Variants in SEPTIN12 observed in about 807,000 individuals in gnomAD.
SEPTIN12 encodes the protein septin-12.
SEPTIN12 carries 42 observed loss-of-function variants against 37.7 expected under a neutral mutation model. That is an observed-to-expected ratio of 1.11 (90% CI 0.87 to 1.44). The LOEUF (loss-of-function observed/expected upper bound fraction) is 1.44. Ranked by LOEUF, SEPTIN12 falls within the 40% of genes most tolerant of loss-of-function variation. SEPTIN12 has a pLI of 0.00. For synonymous variants in SEPTIN12, 254 were observed against 196.7 expected, an observed-to-expected ratio of 1.29 and a Z score of -2.44; for missense variants, 613 against 479.2, an observed-to-expected ratio of 1.28 and a Z score of -2.61.
At position 4,777,881 on chromosome 16, in the gene SEPTIN12, G is replaced by C; in HGVS notation, c.993C>G (p.Ala331=). ...LPRGPGWVNL[A]PASPGQLTTP... ...TGGTCAGCTGTCCTGGGGAGGCCGG[G>C]GCCAGGTTCACCCAGCCGGGCCCGC... is the stretch of plus-strand genomic sequence containing the variant. Residue 331 remains alanine, a synonymous_variant, in exon 10 of 10, where the codon GCC becomes GCG. Coordinates refer to ENST00000268231, the MANE Select transcript of SEPTIN12 (RefSeq NM_144605.5). 2 of 1,598,430 alleles carry C rather than the reference G, an allele frequency of 1.3e-6. No homozygotes were observed. Among genetic ancestry groups the C allele is most frequent in the Non-Finnish European group, 1.7e-6 (2 of 1,173,236 alleles).
Position 4,778,754 on chromosome 16 carries a change from C to T in SEPTIN12, c.824-617G>A, listed in dbSNP as rs569192320. Among the ~76,000 whole-genome samples, 27 of 151,796 alleles carry T rather than the reference C, an allele frequency of 1.8e-4. No individual in the cohort carries two copies. In the East Asian group the frequency reaches 4.1e-3, roughly 23 times the overall value. On this transcript the variant is annotated intron_variant, in intron 8 of 9. Coordinates refer to ENST00000268231, the MANE Select transcript of SEPTIN12 (RefSeq NM_144605.5). ...GGCGGAAGTTGCAGTGAGCCAAGATCGCTCCACTGCACTCCAGCCTGAGTG... is the reference window on the plus strand; with the variant it reads ...GGCGGAAGTTGCAGTGAGCCAAGATTGCTCCACTGCACTCCAGCCTGAGTG...
At chr16:4,780,475 T>A (rs1329151166) in intron 7 of SEPTIN12, among the ~76,000 whole-genome samples, 1 of 152,120 alleles carries the variant, frequency 6.6e-6, no homozygotes, top group Non-Finnish European at 1.5e-5. Context: ...AACCATGACA[T>A]CAGAGTTGAA....
chr16:4,784,568 G>C (rs550350570), intron 4 of SEPTIN12, among the ~76,000 whole-genome samples: 1 of 152,012 alleles, frequency 6.6e-6, no homozygotes, highest in African/African-American at 2.4e-5. Flanking sequence ...CCAGGAATTC[G>C]AGGCTAGCCT....
chr16:4,783,680 G>A lies in SEPTIN12; in HGVS notation c.599C>T (p.Thr200Ile), dbSNP rs750754740. The change falls in exon 6 of 10, where the codon ACC becomes ATC. Residue 200 changes from threonine (T) to isoleucine (I), a missense_variant. Physicochemically the swap from Thr to Ile is moderately conservative, Grantham distance 89. Transcript: ENST00000268231. ...VPVIARADSL[T>I]MEEREAFRRR... ...CCTGAAGGCCTCTCGCTCCTCCATG[G>A]TCAGGCTGTCGGCCCTGGCAATCAC... The A allele has an allele frequency of 5.0e-6, 8 of 1,613,948 alleles. No homozygotes were observed. In the African/African-American group the frequency reaches 1.1e-4, roughly 22 times the overall value.
chr16:4,779,822 A>G, intron 7 of SEPTIN12, 36 bp from the exon 8 acceptor site: 1 of 1,423,494 alleles, frequency 7.0e-7, no homozygotes, highest in Non-Finnish European at 9.9e-7. Context: ...GGGAGGATTG[A>G]CTTCGCTGGG....
chr16:4,782,574 G>A lies in SEPTIN12; in HGVS notation c.726+888C>T, dbSNP rs147765771. Among the ~76,000 whole-genome samples the A allele has an allele frequency of 9.2e-5, 14 of 152,186 alleles. No individual in the cohort carries two copies. The East Asian group carries it at 2.7e-3, about 29-fold the overall frequency. On this transcript the variant is annotated intron_variant, in intron 7 of 9. Transcript: ENST00000268231. ...CCATTTTACTTTCCCTCCAGCAGTA[G>A]GTGAGGGTTTCAGTTCCTCCACATC...
rs952762962 is a variant in SEPTIN12, at chr16:4,787,591, G to T, written c.55C>A (p.Pro19Thr). 1.9e-6 allele frequency: 3 copies of T among 1,606,656 alleles called. No homozygotes were observed. Among genetic ancestry groups the T allele is most frequent in the Non-Finnish European group, 2.5e-6 (3 of 1,179,610 alleles). Residue 19 changes from proline to threonine, a missense_variant, in exon 2 of 10, where the codon CCC becomes ACC. Coordinates refer to ENST00000268231, the MANE Select transcript of SEPTIN12 (RefSeq NM_144605.5). ...SPCLSSQPSSPSTPPCEMLGP... is the reference protein window; with the variant it reads ...SPCLSSQPSSTSTPPCEMLGP... ...AGCATCTCGCAGGGTGGGGTGCTGG[G>T]GCTGGAGGGCTGCGAGGACAGGCAG...
chr16:4,778,953 A>G (rs558166759), intron 8 of SEPTIN12, among the ~76,000 whole-genome samples: 2 of 151,948 alleles, frequency 1.3e-5, no homozygotes, highest in South Asian at 4.2e-4. Context: ...GCCTGGCAAC[A>G]TAGTGAAACC....
chr16:4,783,727 G>C lies in SEPTIN12; in HGVS notation c.552C>G (p.Cys184Trp). ...TCACGGGCACCACATTCACAGTCCG[G>C]CACAGCCGCTGCAGGAACTCAATGT... ...PLDIEFLQRL[C>W]RTVNVVPVIA... is the part of the protein sequence containing the mutation. The change falls in exon 6 of 10, where the codon TGC (cysteine) becomes TGG (tryptophan). Residue 184 changes from cysteine to tryptophan, a missense_variant. Transcript: ENST00000268231. 6.2e-7 allele frequency: 1 copy of C among 1,614,018 alleles called. No homozygotes were observed. The highest frequency in any genetic ancestry group is 8.5e-7 in the Non-Finnish European group (1 of 1,179,990).
intron 2 of SEPTIN12, among the ~76,000 whole-genome samples, chr16:4,786,592 T>A (rs888162449): frequency 1.3e-5 from 2 of 151,766 alleles, no homozygotes; most frequent in African/African-American, 4.8e-5. Flanking sequence ...CCTGACCTCA[T>A]GATCCGCCTG....
chr16:4,787,859 G>A, intron 1 of SEPTIN12, 192 bp from the exon 2 acceptor site: 1 of 563,812 alleles, frequency 1.8e-6, no homozygotes, highest in South Asian at 2.1e-5. Flanking sequence ...GTTTCTGCAG[G>A]GTGCCTCAAC....
At position 4,783,567 on chromosome 16, in the gene SEPTIN12, C is replaced by A. The variant is rs1352162831; in HGVS notation, c.631-10G>T. 3 of 1,613,532 alleles carry A rather than the reference C, an allele frequency of 1.9e-6. No homozygotes were observed. Among genetic ancestry groups the A allele is most frequent in the East Asian group, 2.2e-5 (1 of 44,878 alleles). On this transcript the variant is annotated splice_polypyrimidine_tract_variant and intron_variant, in intron 6 of 9. Coordinates refer to ENST00000268231, the MANE Select transcript of SEPTIN12 (RefSeq NM_144605.5). ...TCAGGTTCTGCTGGATCTGGAGATC[C>A]CACACAGGTGACCTCAGCCCACCCT...
At chr16:4,785,783 A>G in intron 4 of SEPTIN12, 24 bp downstream of exon 4, 1 of 1,554,902 alleles carries the variant, frequency 6.4e-7, no homozygotes, top group Non-Finnish European at 8.7e-7. Flanking sequence ...TGCCTAAAAA[A>G]AAAAAAAAAG....
At chr16:4,784,641 G>T (rs936239735) in intron 4 of SEPTIN12, among the ~76,000 whole-genome samples, 1 of 102,256 alleles carries the variant, frequency 9.8e-6, no homozygotes, top group Non-Finnish European at 2.3e-5. Flanking sequence ...GGGGTGGCAC[G>T]TGCCTGTGGT....
Position 4,787,653 on chromosome 16 carries a change from A to G in SEPTIN12, c.-8T>C, listed in dbSNP as rs745327173. 3.9e-6 allele frequency: 6 copies of G among 1,546,284 alleles called. No homozygotes were observed. In the East Asian group the frequency reaches 1.4e-4, roughly 35 times the overall value. On this transcript the variant is annotated 5_prime_UTR_variant, in exon 2 of 10. Transcript: ENST00000268231. The stretch of plus-strand genomic sequence containing the variant: ...GCGCCTCAGGGGGTCCATGGGGGCC[A>G]AGGGTTCGAGATGCCTGTCACCAGG...
Position 4,778,630 on chromosome 16 carries a change from G to A in SEPTIN12, c.824-493C>T, listed in dbSNP as rs1437909589. 3.3e-5 allele frequency among the ~76,000 whole-genome samples: 5 copies of A among 151,026 alleles called. No individual in the cohort carries two copies. In the East Asian group the frequency reaches 5.9e-4, roughly 18 times the overall value. ...AGCCTGGACGACATAGTGAAGCCCCGTCTCTACTAAAAATACAAAAATTAG... is the reference window on the plus strand; with the variant it reads ...AGCCTGGACGACATAGTGAAGCCCCATCTCTACTAAAAATACAAAAATTAG... On this transcript the variant is annotated intron_variant, in intron 8 of 9. Transcript: ENST00000268231.
Position 4,787,964 on chromosome 16 carries a change from T to C in SEPTIN12, c.-22-297A>G, listed in dbSNP as rs12924244. On this transcript the variant is annotated intron_variant, in intron 1 of 9. Coordinates refer to ENST00000268231, the MANE Select transcript of SEPTIN12 (RefSeq NM_144605.5). ...TCAGGTCGCTTCCCCCAGCAGAGCC[T>C]GGAGGGCCAGGCAAAGTCCAGGATG... 27,501 of 281,624 alleles carry C rather than the reference T, an allele frequency of 0.098. 1,937 individuals carry two copies. Among genetic ancestry groups the C allele is most frequent in the East Asian group, 0.27 (3,546 of 12,908 alleles). 17.4% of individuals were successfully genotyped at this position (281,624 alleles called of 1,614,324 possible). A position where few individuals can be genotyped will look rare whatever the true frequency, so the allele number is the denominator to read the frequency against.
chr16:4,787,836 C>G, intron 1 of SEPTIN12, 169 bp from the exon 2 acceptor site: 1 of 581,022 alleles, frequency 1.7e-6, no homozygotes, highest in East Asian at 2.9e-5. Flanking sequence ...GGCAAGGGTG[C>G]CTGTGGGGAG....
At chr16:4,784,294 A>G (rs541115514) in intron 4 of SEPTIN12, 17 of 557,336 alleles carry the variant, frequency 3.1e-5, no homozygotes, top group Non-Finnish European at 4.9e-5. Context: ...AATGGAGACA[A>G]TAGTAGCACC....
Sources: allele counts gnomAD v4.1 joint callset (sites outside exome capture counted in the v4.1 genomes callset), GRCh38; gene constraint gnomAD v4.1.1; transcripts MANE v1.5; gene names NCBI Gene and HGNC (gene_info 2026-07-23, HGNC 2026-07-21).